Variants in SEMA5A observed in about 807,000 individuals in gnomAD.
SEMA5A encodes the protein semaphorin 5A, also known as semaphorin-5A.
Under a neutral mutation model 135.5 loss-of-function variants are expected in SEMA5A, and 55 were observed. The observed-to-expected ratio is 0.41, with a 90% confidence interval of 0.33 to 0.51. SEMA5A has a LOEUF of 0.51. Among genes scored for constraint, SEMA5A ranks in the 20% least tolerant of loss-of-function variants. The pLI, the probability that SEMA5A is intolerant of heterozygous loss-of-function variation, is 0.37. For missense variants in SEMA5A, 1,290 were observed against 1,419.9 expected, an observed-to-expected ratio of 0.91 and a Z score of 1.47; for synonymous variants, 580 against 546.5, an observed-to-expected ratio of 1.06 and a Z score of -0.85.
intron 5 of SEMA5A, among the ~76,000 whole-genome samples, chr5:9,272,139 GC>G (rs1479506210): frequency 6.6e-6 from 1 of 152,090 alleles, no homozygotes; most frequent in East Asian, 1.9e-4. Flanking sequence ...TGCTAGCACA[GC>G]TGTCTGAGCT....
At chr5:9,330,495 T>C (rs990665274) in intron 4 of SEMA5A, among the ~76,000 whole-genome samples, 6 of 152,108 alleles carry the variant, frequency 3.9e-5, no homozygotes, top group African/African-American at 1.4e-4. Flanking sequence ...TTAGAAATCT[T>C]TCCCAGGCAT....
chr5:9,106,982 C>A (rs2150152901), intron 16 of SEMA5A, among the ~76,000 whole-genome samples: 1 of 152,290 alleles, frequency 6.6e-6, no homozygotes, highest in African/African-American at 2.4e-5. Context: ...AACCTCATAT[C>A]CCTCTTCCTT....
At chr5:9,433,407 A>T (rs981094988) in intron 2 of SEMA5A, among the ~76,000 whole-genome samples, 23 of 152,204 alleles carry the variant, frequency 1.5e-4, no homozygotes, top group African/African-American at 5.5e-4. Context: ...ATTTAAAAGG[A>T]TAAAGCAAAC....
chr5:9,351,468 CG>C, intron 3 of SEMA5A, among the ~76,000 whole-genome samples: 2 of 143,606 alleles, frequency 1.4e-5, no homozygotes, highest in African/African-American at 5.1e-5. Context: ...TAGCCCCCAC[CG>C]TTTTTTTTTC....
At chr5:9,357,988 G>T (rs934669566) in intron 3 of SEMA5A, among the ~76,000 whole-genome samples, 1 of 152,210 alleles carries the variant, frequency 6.6e-6, no homozygotes, top group Non-Finnish European at 1.5e-5. Context: ...AACAGGGATT[G>T]TTGAATTTTG....
intron 8 of SEMA5A, 80 bp downstream of exon 8, chr5:9,224,594 T>A: frequency 8.2e-7 from 1 of 1,219,728 alleles, no homozygotes; most frequent in Admixed American, 1.7e-5. Context: ...ATTTAGAGTG[T>A]TGTAGTTTGC....
At chr5:9,415,699 A>T (rs34830979) in intron 2 of SEMA5A, among the ~76,000 whole-genome samples, 1 of 152,128 alleles carries the variant, frequency 6.6e-6, no homozygotes, top group Non-Finnish European at 1.5e-5. Flanking sequence ...AATGGAAAAT[A>T]TATGTAATAG....
At position 9,204,259 on chromosome 5, in the gene SEMA5A, C is replaced by A. The variant is rs773699281; in HGVS notation, c.647-2019G>T. Among the ~76,000 whole-genome samples, 1 of 152,084 alleles carries A rather than the reference C, an allele frequency of 6.6e-6. No individual in the cohort carries two copies. Among genetic ancestry groups the A allele is most frequent in the Admixed American group, 6.5e-5 (1 of 15,268 alleles). On this transcript the variant is annotated intron_variant, in intron 8 of 22. Coordinates refer to ENST00000382496, the MANE Select transcript of SEMA5A (RefSeq NM_003966.3). This position sits in a 1 kb window ranked among gnomAD's most constrained non-coding sequence, Gnocchi z 6.4. ...AAATGTGGAAAACAAAGAGAGAAGG[C>A]GTAAGGGTCCAAGTGTGTCTAGCCC...
At chr5:9,220,333 TG>T (rs1290080399) in intron 8 of SEMA5A, among the ~76,000 whole-genome samples, 1 of 152,020 alleles carries the variant, frequency 6.6e-6, no homozygotes, top group Non-Finnish European at 1.5e-5. Flanking sequence ...AAAAACCACC[TG>T]TGCCCCAGAA....
chr5:9,043,688 C>A (rs191997678), intron 22 of SEMA5A, among the ~76,000 whole-genome samples: 200 of 152,330 alleles, frequency 1.3e-3, no homozygotes, highest in African/African-American at 4.7e-3. Context: ...AAGTATCAGA[C>A]AAATGTTCTA....
rs10536071 is a variant in SEMA5A, at chr5:9,428,088, G to GTA, written c.-78+9666_-78+9667dup. Among the ~76,000 whole-genome samples the GTA allele has an allele frequency of 6.3e-3, 921 of 145,610 alleles. 9 individuals carry two copies. Among genetic ancestry groups the GTA allele is most frequent in the East Asian group, 0.039 (191 of 4,894 alleles). On this transcript the variant is annotated intron_variant, in intron 2 of 22. Transcript: ENST00000382496. ...TGTGTGTAAATATATATATGTGTGT[G>GTA]TATATATATATATATATATATATAT...
intron 1 of SEMA5A, among the ~76,000 whole-genome samples, chr5:9,492,595 T>C (rs538146003): frequency 4.6e-5 from 7 of 152,340 alleles, no homozygotes; most frequent in African/African-American, 1.4e-4. Context: ...ATCTCCCTAA[T>C]GTTTGCAACA....
intron 10 of SEMA5A, among the ~76,000 whole-genome samples, chr5:9,192,349 C>T (rs760614801): frequency 1.8e-4 from 28 of 152,218 alleles, no homozygotes; most frequent in Non-Finnish European, 3.1e-4. Flanking sequence ...TGAGATAATC[C>T]GTGGAAAGCA....
At chr5:9,371,828 A>C (rs921876830) in intron 3 of SEMA5A, among the ~76,000 whole-genome samples, 4 of 152,224 alleles carry the variant, frequency 2.6e-5, no homozygotes, top group African/African-American at 9.6e-5. Context: ...GAAACAAGTG[A>C]AGATCACACT....
In SEMA5A at chr5:9,039,500, C is replaced by T. The variant is rs1036028378; in HGVS notation, c.*3397G>A. On this transcript the variant is annotated 3_prime_UTR_variant, in exon 23 of 23. Coordinates refer to ENST00000382496, the MANE Select transcript of SEMA5A (RefSeq NM_003966.3). ...TTTCAATTCCTTTAGAACCTCAGCC[C>T]CACACATACATTTATTAAATGTTCT... 7.9e-5 allele frequency: 12 copies of T among 152,108 alleles called. No individual in the cohort carries two copies. The highest frequency in any genetic ancestry group is 2.9e-4 in the African/African-American group (12 of 41,344). The allele number at this position is 152,108 out of a possible 1,614,324, so 9.4% of individuals were successfully genotyped here.
chr5:9,341,129 G>T (rs1410226228), intron 3 of SEMA5A, among the ~76,000 whole-genome samples: 1 of 150,826 alleles, frequency 6.6e-6, no homozygotes, highest in East Asian at 1.9e-4. Flanking sequence ...CCAATAAAAT[G>T]CATAATAAAC....
intron 4 of SEMA5A, among the ~76,000 whole-genome samples, chr5:9,322,601 G>A (rs867800342): frequency 6.6e-6 from 1 of 152,080 alleles, no homozygotes; most frequent in Non-Finnish European, 1.5e-5. Context: ...TAGAGTCTAA[G>A]AAATCAAGAA....
chr5:9,374,737 C>T (rs983826747), intron 3 of SEMA5A, among the ~76,000 whole-genome samples: 7 of 151,998 alleles, frequency 4.6e-5, no homozygotes, highest in Non-Finnish European at 7.4e-5. Flanking sequence ...TGGCCTGGGG[C>T]CTGCCTACCC....
chr5:9,504,078 G>T (rs1358933356), intron 1 of SEMA5A, among the ~76,000 whole-genome samples: 1 of 151,916 alleles, frequency 6.6e-6, no homozygotes, highest in Non-Finnish European at 1.5e-5. Flanking sequence ...AGCCAGGCAT[G>T]GTGGCTCATG....
Sources: allele counts gnomAD v4.1 joint callset (sites outside exome capture counted in the v4.1 genomes callset), GRCh38; gene constraint gnomAD v4.1.1; non-coding constraint Gnocchi (gnomAD v3.1); transcripts MANE v1.5; gene names NCBI Gene and HGNC (gene_info 2026-07-23, HGNC 2026-07-21).